The following TBL1X variants were observed in gnomAD, a reference collection of about 807,000 sequenced individuals.
TBL1X encodes F-box-like/WD repeat-containing protein TBL1X.
In TBL1X, 10 loss-of-function variants were observed where a neutral mutation model predicts 50.7. The ratio of observed to expected loss-of-function variants is 0.20; its 90% CI spans 0.12 to 0.33. The LOEUF (loss-of-function observed/expected upper bound fraction) is 0.33, where lower values mean the gene tolerates loss of function less well. Among genes scored for constraint, TBL1X ranks in the 10% least tolerant of loss-of-function variants. The pLI, the probability that TBL1X is intolerant of heterozygous loss-of-function variation, is 1.00. For synonymous variants in TBL1X, 190 were observed against 214.7 expected (o/e 0.88, Z 1.01); for missense variants, 340 against 504.4 (o/e 0.67, Z 3.12).
At chrX:9,514,899 G>A (rs2082074342) in intron 2 of TBL1X, among the ~76,000 whole-genome samples, 1 of 112,290 alleles carries the variant, frequency 8.9e-6, no homozygotes, top group South Asian at 3.7e-4. Flanking sequence ...GAGCAGAAGA[G>A]CTCATAGCGA....
At chrX:9,665,508 T>C (rs1250761077) in intron 5 of TBL1X, among the ~76,000 whole-genome samples, 8 of 35,745 alleles carry the variant, frequency 2.2e-4, no homozygotes, top group African/African-American at 7.2e-4. Context: ...TATATATATA[T>C]ATATATATAT....
intron 17 of TBL1X, among the ~76,000 whole-genome samples, chrX:9,715,471 C>T (rs1039155624): frequency 2.7e-5 from 3 of 111,836 alleles, no homozygotes; most frequent in Admixed American, 1.9e-4. Context: ...ACCTGGACAG[C>T]GGGTGACCAT....
At chrX:9,654,410 TAGAAGA>T (rs34335400) in intron 5 of TBL1X, 88 bp downstream of exon 5, 12 of 820,783 alleles carry the variant, frequency 1.5e-5, no homozygotes, top group African/African-American at 4.1e-5. Flanking sequence ...AACCAGGCTG[TAGAAGA>T]AGAAGAAGAA....
chrX:9,551,101 C>T (rs2082268884), intron 2 of TBL1X, among the ~76,000 whole-genome samples: 3 of 111,383 alleles, frequency 2.7e-5, no homozygotes, highest in South Asian at 3.8e-4. Flanking sequence ...CATATATATA[C>T]GTGTACATAC....
At chrX:9,661,707 C>T (rs935524287) in intron 5 of TBL1X, among the ~76,000 whole-genome samples, 8 of 111,103 alleles carry the variant, frequency 7.2e-5, no homozygotes, top group African/African-American at 2.6e-4. Context: ...GAGCGCCCAC[C>T]AACACGCAGC....
At chrX:9,507,312 G>A (rs2082030974) in intron 2 of TBL1X, among the ~76,000 whole-genome samples, 1 of 111,832 alleles carries the variant, frequency 8.9e-6, no homozygotes, top group Non-Finnish European at 1.9e-5. Flanking sequence ...CAGGCAGAGA[G>A]ACAAATCATG....
At chrX:9,489,824 G>A (rs2081931734) in intron 1 of TBL1X, among the ~76,000 whole-genome samples, 1 of 111,714 alleles carries the variant, frequency 9.0e-6, no homozygotes, top group Non-Finnish European at 1.9e-5. Context: ...GAGGATGGAA[G>A]AGTTAGCATT....
intron 11 of TBL1X, among the ~76,000 whole-genome samples, chrX:9,695,665 G>A (rs1165779821): frequency 2.7e-5 from 3 of 112,008 alleles, no homozygotes; most frequent in Non-Finnish European, 5.6e-5. Flanking sequence ...TATAGAGGAC[G>A]AACTGGAGGC....
intron 6 of TBL1X, among the ~76,000 whole-genome samples, chrX:9,685,144 G>A (rs149104423): frequency 8.9e-6 from 1 of 112,269 alleles, no homozygotes; most frequent in East Asian, 2.8e-4. Flanking sequence ...GAGGAGTTGT[G>A]CCAATTTTAT....
intron 1 of TBL1X, among the ~76,000 whole-genome samples, chrX:9,486,695 A>G (rs1285764802): frequency 9.1e-6 from 1 of 109,565 alleles, no homozygotes; most frequent in Non-Finnish European, 1.9e-5. Context: ...AAAATGTATA[A>G]AACCAAGCTA....
chrX:9,521,411 G>A (rs1601730144), intron 2 of TBL1X, among the ~76,000 whole-genome samples: 2 of 111,805 alleles, frequency 1.8e-5, no homozygotes, highest in East Asian at 2.8e-4. Context: ...GTGCGTGCTT[G>A]GGGGTGGGGA....
At chrX:9,702,607 G>GAAA (rs59896272) in intron 12 of TBL1X, among the ~76,000 whole-genome samples, 52 of 70,047 alleles carry the variant, frequency 7.4e-4, no homozygotes, top group South Asian at 2.9e-3. Flanking sequence ...TCATCTCCAA[G>GAAA]AAAAAAAAAA....
intron 13 of TBL1X, among the ~76,000 whole-genome samples, chrX:9,708,773 C>T (rs2083226381): frequency 9.3e-6 from 1 of 108,078 alleles, no homozygotes; most frequent in Non-Finnish European, 1.9e-5. Context: ...GAGGGTGAGG[C>T]AAGAGGATTG....
chrX:9,500,994 C>T (rs1190793814), intron 1 of TBL1X, among the ~76,000 whole-genome samples: 1 of 111,572 alleles, frequency 9.0e-6, no homozygotes, highest in African/African-American at 3.3e-5. Flanking sequence ...GACCACCTGG[C>T]CTCAAATGTC....
chrX:9,516,299 CT>C (rs1268667343), intron 2 of TBL1X, among the ~76,000 whole-genome samples: 1 of 112,073 alleles, frequency 8.9e-6, no homozygotes, highest in Admixed American at 9.5e-5. Context: ...CTCTCCCCCA[CT>C]GCCTTTGCCC....
At chrX:9,478,846 C>A in intron 1 of TBL1X, among the ~76,000 whole-genome samples, 1 of 112,499 alleles carries the variant, frequency 8.9e-6, no homozygotes, top group East Asian at 2.8e-4. Context: ...TTTGGAGATA[C>A]CTCCTGCGTT....
intron 2 of TBL1X, among the ~76,000 whole-genome samples, chrX:9,543,851 A>G (rs1188104189): frequency 9.0e-6 from 1 of 111,636 alleles, no homozygotes; most frequent in Non-Finnish European, 1.9e-5. Context: ...GTGAAGGGCT[A>G]CTCTCCACAT....
chrX:9,652,595 G>A (rs1368842344), intron 3 of TBL1X, among the ~76,000 whole-genome samples: 3 of 112,394 alleles, frequency 2.7e-5, no homozygotes, highest in Non-Finnish European at 5.6e-5. Context: ...GGCGGCTCAC[G>A]CCTGAAATCC....
intron 12 of TBL1X, among the ~76,000 whole-genome samples, chrX:9,701,320 C>T (rs774261136): frequency 9.1e-6 from 1 of 109,899 alleles, no homozygotes; most frequent in Non-Finnish European, 1.9e-5. Flanking sequence ...ACCAAACTGG[C>T]CTATGCATGG....
Sources: allele counts gnomAD v4.1 joint callset (sites outside exome capture counted in the v4.1 genomes callset), GRCh38; gene constraint gnomAD v4.1.1; transcripts MANE v1.5; gene names NCBI Gene and HGNC (gene_info 2026-07-23, HGNC 2026-07-21).